HIPK3: variants seen among roughly 807,000 people sequenced by gnomAD.
HIPK3 encodes homeodomain interacting protein kinase 3, also known as homeodomain-interacting protein kinase 3.
Under a neutral mutation model 124.2 loss-of-function variants are expected in HIPK3, and 47 were observed. The observed-to-expected ratio is 0.38, with a 90% confidence interval of 0.30 to 0.48. The LOEUF (loss-of-function observed/expected upper bound fraction) is 0.48. Ranked by LOEUF, HIPK3 falls within the 20% of genes least tolerant of loss-of-function variation. HIPK3 has a pLI of 0.98. For missense variants in HIPK3, 1,286 were observed against 1,454.3 expected (o/e 0.88, Z 1.88); for synonymous variants, 482 against 515.2 (o/e 0.94, Z 0.87).
At chr11:33,257,348 A>T (rs1157387899), upstream of HIPK3, 2 of 984,190 alleles carry the variant, frequency 2.0e-6, no homozygotes, top group African/African-American at 3.5e-5. Context: ...GAGGCCGACG[A>T]GCGCGGAGGA....
chr11:33,353,281 T>C lies in HIPK3; in HGVS notation c.3361T>C (p.Tyr1121His). The C allele has an allele frequency of 6.2e-7, 1 of 1,614,176 alleles. No homozygotes were observed. The highest frequency in any genetic ancestry group is 8.5e-7 in the Non-Finnish European group (1 of 1,180,024). ...CGGAGGACAGCCTACTCTACTTCCA[T>C]ACCCATCATCAGCCACCCTCAGTAG... ...HLGGQPTLLP[Y>H]PSSATLSSAA... The change falls in exon 17 of 17, where the codon TAC becomes CAC. Residue 1121 changes from tyrosine to histidine, a missense_variant. Transcript: ENST00000303296.
chr11:33,321,948 T>G (rs1336875331), intron 2 of HIPK3, among the ~76,000 whole-genome samples: 1 of 152,146 alleles, frequency 6.6e-6, no homozygotes, highest in African/African-American at 2.4e-5. Flanking sequence ...CTTACCAGGC[T>G]CCAGTGTTTG....
chr11:33,338,851 C>G lies in HIPK3; in HGVS notation c.1428+8C>G, dbSNP rs201949685. Reference sequence around the variant, plus strand: ...CTGGATGATGTAGCGCATGTGAGTACCATAGCCACATTTGTTCATCTTACA... The same window carrying G: ...CTGGATGATGTAGCGCATGTGAGTAGCATAGCCACATTTGTTCATCTTACA... On this transcript the variant is annotated splice_region_variant and intron_variant, in intron 5 of 16. Coordinates refer to ENST00000303296, the MANE Select transcript of HIPK3 (RefSeq NM_005734.5). 1.6e-4 allele frequency: 247 copies of G among 1,592,138 alleles called. No individual in the cohort carries two copies. Among genetic ancestry groups the G allele is most frequent in the Middle Eastern group, 3.3e-4 (2 of 6,026 alleles).
Position 33,338,945 on chromosome 11 carries a change from G to A in HIPK3, c.1428+102G>A. 8 of 679,150 alleles carry A rather than the reference G, an allele frequency of 1.2e-5. No homozygotes were observed. The South Asian group carries it at 1.7e-4, about 15-fold the overall frequency. The allele number at this position is 679,150 out of a possible 1,614,324, so 42.1% of individuals were successfully genotyped here. A position where few individuals can be genotyped will look rare whatever the true frequency, so the allele number is the denominator to read the frequency against. ...TACTCAGTTTTTAAATGGCTACAGA[G>A]TCCATGCTGTTTTTAAGTTTTTCAA... On this transcript the variant is annotated intron_variant, in intron 5 of 16. Transcript: ENST00000303296.
intron 1 of HIPK3, among the ~76,000 whole-genome samples, chr11:33,273,512 C>CAAAAAAAAAA (rs398015727): frequency 4.2e-5 from 2 of 48,034 alleles, no homozygotes; most frequent in African/African-American, 1.0e-4. Context: ...TCTGTCTCCA[C>CAAAAAAAAAA]AAAAAAAAAA....
At chr11:33,301,738 C>T (rs1852005127) in intron 2 of HIPK3, among the ~76,000 whole-genome samples, 1 of 150,742 alleles carries the variant, frequency 6.6e-6, no homozygotes, top group Admixed American at 6.6e-5. Flanking sequence ...GGGAGGATTA[C>T]TTGAGCCCAG....
chr11:33,345,729 A>G (rs1463644084), intron 8 of HIPK3, among the ~76,000 whole-genome samples: 2 of 152,016 alleles, frequency 1.3e-5, no homozygotes, highest in African/African-American at 4.8e-5. Context: ...GCTTTTTAGC[A>G]GGAGTAAGAA....
chr11:33,347,364 C>T lies in HIPK3; in HGVS notation c.1969C>T (p.Gln657Ter), dbSNP rs1338242956. 1 of 1,613,884 alleles carries T rather than the reference C, an allele frequency of 6.2e-7. No individual in the cohort carries two copies. Among genetic ancestry groups the T allele is most frequent in the African/African-American group, 1.3e-5 (1 of 74,910 alleles). Residue 657 changes from glutamine (Q) to a stop codon, truncating the protein, a stop_gained, in exon 9 of 17, where the codon CAG (glutamine) becomes TAG (stop). Coordinates refer to ENST00000303296, the MANE Select transcript of HIPK3 (RefSeq NM_005734.5). LOFTEE classifies it high-confidence loss of function. ...AGATAATACAGTTCCACTTGTAACT[C>T]AGGCCCCAGCTGTGCAGCCACTACA... ...RVDNTVPLVT[Q>*]APAVQPLQIR...
intron 3 of HIPK3, among the ~76,000 whole-genome samples, chr11:33,336,015 T>TA (rs1590182368): frequency 6.6e-6 from 1 of 152,104 alleles, no homozygotes; most frequent in South Asian, 2.1e-4. Context: ...TCATGGAACT[T>TA]AGAGTCTCAT....
intron 1 of HIPK3, chr11:33,258,532 G>A: frequency 1.0e-6 from 1 of 985,536 alleles, no homozygotes; most frequent in Non-Finnish European, 1.2e-6. Context: ...AGCGGCGGCG[G>A]GAGGAAGGCG....
chr11:33,336,954 C>T (rs1313977974), intron 3 of HIPK3, 121 bp from the exon 4 acceptor site: 1 of 603,464 alleles, frequency 1.7e-6, no homozygotes, highest in Admixed American at 3.5e-5. Context: ...CTAGACAGTG[C>T]ATTTCTTGAG....
At chr11:33,351,113 C>T (rs1455301114) in intron 14 of HIPK3, among the ~76,000 whole-genome samples, 1 of 152,070 alleles carries the variant, frequency 6.6e-6, no homozygotes, top group East Asian at 1.9e-4. Flanking sequence ...TCTGTCTAGG[C>T]CTTCAGAGGT....
chr11:33,338,229 GTTATTA>G (rs1296645263), intron 4 of HIPK3, among the ~76,000 whole-genome samples: 2 of 151,962 alleles, frequency 1.3e-5, no homozygotes, highest in Admixed American at 6.6e-5. Context: ...TTCATAAACA[GTTATTA>G]TTATTATTGT....
intron 1 of HIPK3, among the ~76,000 whole-genome samples, chr11:33,264,215 A>G (rs1850898026): frequency 6.6e-6 from 1 of 152,184 alleles, no homozygotes; most frequent in Admixed American, 6.5e-5. Context: ...GAGAAGCATA[A>G]TAAAGGAAAA....
intron 2 of HIPK3, among the ~76,000 whole-genome samples, chr11:33,305,577 G>T (rs1161533316): frequency 6.6e-6 from 1 of 152,164 alleles, no homozygotes; most frequent in Non-Finnish European, 1.5e-5. Flanking sequence ...GATATGCTAA[G>T]CAGGTTGTCC....
rs1329105319 is a variant in HIPK3 at position 33,269,815 on chromosome 11, T to G, written c.-3+11926T>G. On this transcript the variant is annotated intron_variant, in intron 1 of 16. Coordinates refer to ENST00000303296, the MANE Select transcript of HIPK3 (RefSeq NM_005734.5). ...GATAATTGTTTACAGTGTCCCCTAC[T>G]CAGTTCTTAGCTTTCAACCCATATT... Among the ~76,000 whole-genome samples, 3 of 152,126 alleles carry G rather than the reference T, an allele frequency of 2.0e-5. No individual in the cohort carries two copies. The East Asian group carries it at 5.8e-4, about 29-fold the overall frequency.
At chr11:33,348,348 A>T in intron 12 of HIPK3, 120 bp downstream of exon 12, 2 of 1,041,190 alleles carry the variant, frequency 1.9e-6, no homozygotes, top group Non-Finnish European at 2.8e-6. Flanking sequence ...TGCAGTCTAC[A>T]TGGATATTTC....
At chr11:33,281,971 T>A (rs1397813388) in intron 1 of HIPK3, among the ~76,000 whole-genome samples, 1 of 152,244 alleles carries the variant, frequency 6.6e-6, no homozygotes, top group Non-Finnish European at 1.5e-5. Context: ...GCAATTTTGT[T>A]AAATATTGCC....
intron 4 of HIPK3, 130 bp downstream of exon 4, chr11:33,337,324 C>G (rs1458890022): frequency 2.1e-6 from 1 of 473,726 alleles, no homozygotes; most frequent in East Asian, 3.6e-5. Context: ...CATTTTTGGC[C>G]CTTCTTTATT....
Sources: gnomAD v4.1 joint callset for allele counts (sites outside exome capture counted in the v4.1 genomes callset) on GRCh38, gnomAD v4.1.1 for gene constraint, MANE v1.5 for transcripts, NCBI Gene and HGNC (gene_info 2026-07-23, HGNC 2026-07-21) for gene names.